Variants in AVEN observed in about 807,000 individuals in gnomAD.
The protein encoded by AVEN is apoptosis and caspase activation inhibitor.
A neutral mutation model predicts 38.1 loss-of-function variants in AVEN; 41 were observed. The ratio of observed to expected loss-of-function variants is 1.08; its 90% CI spans 0.84 to 1.40. The LOEUF (loss-of-function observed/expected upper bound fraction) is 1.40. AVEN is among the 40% of genes most tolerant of loss of function. The pLI, the probability that AVEN is intolerant of heterozygous loss-of-function variation, is 0.00. For missense variants in AVEN, 605 were observed against 438.8 expected (o/e 1.38, Z -3.38); for synonymous variants, 206 against 171.8 (o/e 1.20, Z -1.56).
chr15:34,013,955 G>A (rs1198541069), intron 1 of AVEN, among the ~76,000 whole-genome samples: 2 of 152,110 alleles, frequency 1.3e-5, no homozygotes, highest in East Asian at 1.9e-4. Context: ...AAGAACAGAG[G>A]GAACTCACAT....
At chr15:33,919,816 T>A (rs1283742973) in intron 2 of AVEN, among the ~76,000 whole-genome samples, 2 of 152,158 alleles carry the variant, frequency 1.3e-5, no homozygotes, top group Admixed American at 6.5e-5. Flanking sequence ...TACAAAAAAA[T>A]TTGAACCAAC....
chr15:33,889,842 A>T (rs1282558307), intron 2 of AVEN, among the ~76,000 whole-genome samples: 1 of 152,200 alleles, frequency 6.6e-6, no homozygotes, highest in Non-Finnish European at 1.5e-5. Context: ...TTCTTGTCAC[A>T]GCATACATTT....
intron 2 of AVEN, among the ~76,000 whole-genome samples, chr15:33,947,617 C>T (rs1171157655): frequency 6.6e-6 from 1 of 152,098 alleles, no homozygotes; most frequent in Non-Finnish European, 1.5e-5. Flanking sequence ...CTCCTGTACA[C>T]TTCAAATCAC....
intron 2 of AVEN, among the ~76,000 whole-genome samples, chr15:33,998,663 C>T (rs1304954456): frequency 1.3e-5 from 2 of 152,174 alleles, no homozygotes; most frequent in South Asian, 2.1e-4. Flanking sequence ...GTGAAGATCA[C>T]CAATAACCTT....
At chr15:33,969,108 A>G (rs1026770319) in intron 2 of AVEN, 9 of 152,252 alleles carry the variant, frequency 5.9e-5, no homozygotes, top group Admixed American at 1.3e-4. Flanking sequence ...TACTATTTCC[A>G]GCCAGAGTTC....
At chr15:33,897,294 A>ATTTT (rs1892271687) in intron 2 of AVEN, among the ~76,000 whole-genome samples, 1 of 151,938 alleles carries the variant, frequency 6.6e-6, no homozygotes, top group East Asian at 2.0e-4. Flanking sequence ...AACATAAATT[A>ATTTT]ATTAATTAAT....
intron 1 of AVEN, among the ~76,000 whole-genome samples, chr15:34,008,161 C>T (rs980664137): frequency 6.6e-6 from 1 of 152,100 alleles, no homozygotes; most frequent in East Asian, 1.9e-4. Context: ...TGGCTCACTT[C>T]TGTAATCCCA....
intron 2 of AVEN, among the ~76,000 whole-genome samples, chr15:33,908,865 A>G (rs1892811592): frequency 6.6e-6 from 1 of 152,220 alleles, no homozygotes; most frequent in South Asian, 2.1e-4. Flanking sequence ...GCAGGAGAAA[A>G]GACAAACCAG....
chr15:34,050,143 C>A (rs535684702), intron 5 of AVEN, among the ~76,000 whole-genome samples: 1 of 152,280 alleles, frequency 6.6e-6, no homozygotes, highest in Non-Finnish European at 1.5e-5. Context: ...CCACCTCGGC[C>A]TCCCAAAGTG....
intron 5 of AVEN, among the ~76,000 whole-genome samples, chr15:34,045,896 C>T (rs1057485814): frequency 1.6e-4 from 24 of 152,238 alleles, no homozygotes; most frequent in African/African-American, 5.5e-4. Flanking sequence ...AGGTTGGAAA[C>T]CCAGAGGCTT....
chr15:33,969,249 C>A (rs1439659767), intron 2 of AVEN: 1 of 151,926 alleles, frequency 6.6e-6, no homozygotes, highest in Non-Finnish European at 1.5e-5. Context: ...TCTTGCAACC[C>A]TTCCTTAAGC....
At chr15:33,895,739 A>G (rs1892207856) in intron 2 of AVEN, among the ~76,000 whole-genome samples, 2 of 152,148 alleles carry the variant, frequency 1.3e-5, no homozygotes, top group African/African-American at 4.8e-5. Flanking sequence ...AGAACAACCC[A>G]TTATCTGTAT....
intron 1 of AVEN, among the ~76,000 whole-genome samples, chr15:34,017,635 A>G (rs562250547): frequency 6.6e-6 from 1 of 152,130 alleles, no homozygotes; most frequent in Non-Finnish European, 1.5e-5. Context: ...GCATGCCACC[A>G]CACCCAGCTA....
intron 2 of AVEN, among the ~76,000 whole-genome samples, chr15:33,992,502 T>C (rs887843354): frequency 6.6e-6 from 1 of 152,260 alleles, no homozygotes; most frequent in African/African-American, 2.4e-5. Flanking sequence ...GGTTATCCAA[T>C]TGAAAATTTT....
intron 1 of AVEN, among the ~76,000 whole-genome samples, chr15:34,009,304 A>T (rs1196661765): frequency 6.6e-6 from 1 of 152,232 alleles, no homozygotes; most frequent in East Asian, 1.9e-4. Context: ...ACAGCAATTC[A>T]AATCCACATG....
In AVEN at chr15:33,999,757, C is replaced by T. The variant is rs562727971; in HGVS notation, c.445+3275G>A. Among the ~76,000 whole-genome samples, 22 of 152,296 alleles carry T rather than the reference C, an allele frequency of 1.4e-4. 1 individual carries two copies. On this transcript the variant is annotated intron_variant, in intron 2 of 5. Transcript: ENST00000306730. The stretch of plus-strand genomic sequence containing the variant: ...GGCTTCCTAACTAGTCTACCTGCTA[C>T]TAGTAGTAGCAGTGGCTTCCTAACT...
downstream of AVEN, chr15:33,858,029 A>T: frequency 7.5e-7 from 1 of 1,333,094 alleles, no homozygotes; most frequent in South Asian, 1.4e-5. Flanking sequence ...AGAGTTAGTT[A>T]CAGAGCACAG....
rs1199602571 is a variant in AVEN, at chr15:34,038,882, A to G, written c.165T>C (p.Arg55=). Residue 55 remains arginine, a synonymous_variant, in exon 1 of 6, where the codon CGT becomes CGC. Transcript: ENST00000306730. ...CGCGAGCGCCGCGGAAGCCCCGGCC[A>G]CGGCCACGGCCCCGGCGTCCGCCTC... is the stretch of plus-strand genomic sequence containing the variant. ...GDGGGRRGRG[R]GRGFRGARGG... 1.1e-5 allele frequency: 12 copies of G among 1,139,196 alleles called. No homozygotes were observed. Among genetic ancestry groups the G allele is most frequent in the Middle Eastern group, 3.7e-4 (1 of 2,702 alleles). The allele number at this position is 1,139,196 out of a possible 1,614,324, so 70.6% of individuals were successfully genotyped here.
At chr15:33,869,825 C>CT (rs377321444) in intron 4 of AVEN, among the ~76,000 whole-genome samples, 1,507 of 142,160 alleles carry the variant, frequency 0.011, 9 homozygotes, top group African/African-American at 0.015. Context: ...CAAGGTTTCA[C>CT]TTTTTTTTTT....
Sources: allele counts gnomAD v4.1 joint callset (sites outside exome capture counted in the v4.1 genomes callset), GRCh38; gene constraint gnomAD v4.1.1; transcripts MANE v1.5; gene names NCBI Gene and HGNC (gene_info 2026-07-23, HGNC 2026-07-21).